The following STYX variants were observed in gnomAD, a reference collection of about 807,000 sequenced individuals.
STYX encodes serine/threonine/tyrosine-interacting protein.
A neutral mutation model predicts 42.7 loss-of-function variants in STYX; 20 were observed. The observed-to-expected ratio is 0.47, with a 90% CI of 0.33 to 0.68. STYX has a LOEUF of 0.68. STYX is among the 30% of genes least tolerant of loss of function. The pLI is 0.02. For synonymous variants in STYX, 78 were observed against 81.9 expected, an observed-to-expected ratio of 0.95 and a Z score of 0.26; for missense variants, 226 against 268.5, an observed-to-expected ratio of 0.84 and a Z score of 1.11.
chr14:52,750,447 G>A (rs56172724), intron 3 of STYX, among the ~76,000 whole-genome samples: 76,823 of 151,878 alleles, frequency 0.51, 19,512 homozygotes, highest in South Asian at 0.56. Flanking sequence ...CTCTAAAATT[G>A]TAGGTATGAA....
intron 1 of STYX, among the ~76,000 whole-genome samples, chr14:52,743,803 C>T (rs1056285038): frequency 2.0e-5 from 3 of 152,086 alleles, no homozygotes; most frequent in Admixed American, 6.5e-5. Context: ...GCAGTCAACC[C>T]ACTGACAAAT....
intron 1 of STYX, among the ~76,000 whole-genome samples, chr14:52,741,079 C>T (rs1217465378): frequency 4.6e-5 from 7 of 152,024 alleles, no homozygotes; most frequent in South Asian, 2.1e-4. Flanking sequence ...ATGAGTACTT[C>T]GTAGACTTTT....
At chr14:52,735,810 C>G in intron 1 of STYX, among the ~76,000 whole-genome samples, 1 of 152,188 alleles carries the variant, frequency 6.6e-6, no homozygotes, top group East Asian at 1.9e-4. Context: ...GTCACCTCTA[C>G]AAGAATATTA....
At chr14:52,766,885 A>G (rs1254600614) in intron 9 of STYX, among the ~76,000 whole-genome samples, 1 of 145,450 alleles carries the variant, frequency 6.9e-6, no homozygotes, top group Non-Finnish European at 1.5e-5. Flanking sequence ...TTTGTTTTCC[A>G]TGTCCCATGC....
At position 52,756,602 on chromosome 14, in the gene STYX, T is replaced by C; in HGVS notation, c.294T>C (p.Phe98=). ...ATCCAGTTGAAAATATAATACGTTTTTTCCCTATGGTAGGTACCAGTATTT... is the reference window on the plus strand; with the variant it reads ...ATCCAGTTGAAAATATAATACGTTTCTTCCCTATGGTAGGTACCAGTATTT... ...ADNPVENIIR[F]FPMTKEFIDG... The change falls in exon 5 of 11, where the codon TTT becomes TTC. Residue 98 remains phenylalanine (F), a synonymous_variant. Transcript: ENST00000354586. 1.0e-5 allele frequency: 15 copies of C among 1,504,538 alleles called. No individual in the cohort carries two copies. Among genetic ancestry groups the C allele is most frequent in the Non-Finnish European group, 1.4e-5 (15 of 1,103,212 alleles). 93.2% of individuals were successfully genotyped at this position (1,504,538 alleles called of 1,614,324 possible).
At chr14:52,739,651 T>G (rs1881106675) in intron 1 of STYX, among the ~76,000 whole-genome samples, 1 of 143,852 alleles carries the variant, frequency 7.0e-6, no homozygotes, top group East Asian at 2.0e-4. Flanking sequence ...TTTTTTTTTT[T>G]TTTTCGTTGA....
In STYX at chr14:52,771,339, A is replaced by G. The variant is rs553714271; in HGVS notation, c.*233A>G. The G allele has an allele frequency of 1.5e-4, 55 of 369,036 alleles. No individual in the cohort carries two copies. Among genetic ancestry groups the G allele is most frequent in the African/African-American group, 1.0e-3 (50 of 48,348 alleles). The allele number at this position is 369,036 out of a possible 1,614,324, so 22.9% of individuals were successfully genotyped here. The stretch of plus-strand genomic sequence containing the variant: ...TAAAAACACATGCGCGCGCACACAC[A>G]CATGCTTTACAAGTTTTATTATAAA... On this transcript the variant is annotated 3_prime_UTR_variant, in exon 11 of 11. Coordinates refer to ENST00000354586, the MANE Select transcript of STYX (RefSeq NM_145251.4).
intron 4 of STYX, among the ~76,000 whole-genome samples, chr14:52,755,037 TTG>T (rs1436340107): frequency 6.6e-6 from 1 of 152,202 alleles, no homozygotes; most frequent in African/African-American, 2.4e-5. Context: ...GATACAGTCA[TTG>T]TCGAAATCCT....
chr14:52,774,969 T>G lies in STYX; in HGVS notation c.*3863T>G, dbSNP rs1245662664. 1 of 152,232 alleles carries G rather than the reference T, an allele frequency of 6.6e-6. No homozygotes were observed. The highest frequency in any genetic ancestry group is 1.9e-4 in the East Asian group (1 of 5,204). The allele number at this position is 152,232 out of a possible 1,614,324, so 9.4% of individuals were successfully genotyped here. A position where few individuals can be genotyped will look rare whatever the true frequency, so the allele number is the denominator to read the frequency against. On this transcript the variant is annotated 3_prime_UTR_variant, in exon 11 of 11. Transcript: ENST00000354586. ...AGATTGGTGGTTGTATTAAAACTGC[T>G]GTGCCATTATACCTCCAAAATATTG...
intron 1 of STYX, among the ~76,000 whole-genome samples, chr14:52,744,244 C>T (rs1385416449): frequency 2.0e-5 from 3 of 152,138 alleles, no homozygotes; most frequent in Admixed American, 6.5e-5. Flanking sequence ...TATTGGTCTG[C>T]ATTCCAAAGA....
At chr14:52,735,828 G>A (rs1333993789) in intron 1 of STYX, among the ~76,000 whole-genome samples, 3 of 152,138 alleles carry the variant, frequency 2.0e-5, no homozygotes, top group South Asian at 4.1e-4. Context: ...TTACTTTCAC[G>A]TTTCTTGAAA....
At chr14:52,756,892 G>C (rs765796022) in intron 5 of STYX, among the ~76,000 whole-genome samples, 6 of 151,912 alleles carry the variant, frequency 3.9e-5, no homozygotes, top group Non-Finnish European at 8.8e-5. Flanking sequence ...TCTCCATGTT[G>C]ATCAGGCTGG....
intron 9 of STYX, among the ~76,000 whole-genome samples, chr14:52,761,210 C>A (rs1375338361): frequency 1.3e-5 from 2 of 151,832 alleles, no homozygotes; most frequent in African/African-American, 4.8e-5. Flanking sequence ...TGCCTGTAAT[C>A]CCAGCTACTC....
intron 2 of STYX, among the ~76,000 whole-genome samples, chr14:52,745,284 C>G (rs1466782244): frequency 6.6e-6 from 1 of 152,104 alleles, no homozygotes; most frequent in Non-Finnish European, 1.5e-5. Flanking sequence ...CCACACCCAG[C>G]TAATTTTGTA....
rs71407609 is a variant in STYX at position 52,772,998 on chromosome 14, T to C, written c.*1892T>C. 6.6e-6 allele frequency: 1 copy of C among 152,184 alleles called. No homozygotes were observed. The highest frequency in any genetic ancestry group is 1.5e-5 in the Non-Finnish European group (1 of 68,038). 9.4% of individuals were successfully genotyped at this position (152,184 alleles called of 1,614,324 possible). A position where few individuals can be genotyped will look rare whatever the true frequency, so the allele number is the denominator to read the frequency against. On this transcript the variant is annotated 3_prime_UTR_variant, in exon 11 of 11. Coordinates refer to ENST00000354586, the MANE Select transcript of STYX (RefSeq NM_145251.4). ...AGCTTTCCTGTATATAGATCACTAT[T>C]GGGCAGGTCAGCAAAGATCTCTTAC...
Position 52,766,835 on chromosome 14 carries a change from G to A in STYX, c.505-2005G>A, listed in dbSNP as rs544640924. Among the ~76,000 whole-genome samples the A allele has an allele frequency of 2.0e-5, 3 of 150,100 alleles. No homozygotes were observed. The East Asian group carries it at 5.8e-4, about 29-fold the overall frequency. On this transcript the variant is annotated intron_variant, in intron 9 of 10. Coordinates refer to ENST00000354586, the MANE Select transcript of STYX (RefSeq NM_145251.4). ...GCTATTTTCTCTGTAATTATTTGCAGCTTTGTTCTTTTTTTTTTTTCCACT... is the reference window on the plus strand; with the variant it reads ...GCTATTTTCTCTGTAATTATTTGCAACTTTGTTCTTTTTTTTTTTTCCACT...
rs1411374557 is a variant in STYX at position 52,765,199 on chromosome 14, T to C, written c.505-3641T>C. ...CTAGTGATTTTGTACACAGACCTGA[T>C]ATTAAATATTTTTTGTTTGTTTTTT... On this transcript the variant is annotated intron_variant, in intron 9 of 10. Coordinates refer to ENST00000354586, the MANE Select transcript of STYX (RefSeq NM_145251.4). Among the ~76,000 whole-genome samples the C allele has an allele frequency of 2.6e-5, 4 of 152,130 alleles. No individual in the cohort carries two copies. The East Asian group carries it at 7.7e-4, about 29-fold the overall frequency.
chr14:52,750,719 A>G lies in STYX; in HGVS notation c.181A>G (p.Ile61Val). 1 of 1,595,968 alleles carries G rather than the reference A, an allele frequency of 6.3e-7. No homozygotes were observed. Among genetic ancestry groups the G allele is most frequent in the Non-Finnish European group, 8.5e-7 (1 of 1,173,418 alleles). The change falls in exon 4 of 11, where the codon ATA becomes GTA. Residue 61 changes from isoleucine to valine, a missense_variant. Transcript: ENST00000354586. ...VLQKHGITHI[I>V]CIRQNIEANF... ...ACAGAAACATGGAATAACCCATATA[A>G]TATGCATACGACAAAATATTGAAGC...
chr14:52,746,877 G>T (rs1881415316), intron 3 of STYX, among the ~76,000 whole-genome samples: 2 of 152,194 alleles, frequency 1.3e-5, no homozygotes, highest in African/African-American at 4.8e-5. Context: ...GTAAGACTGT[G>T]TGTGTTAATT....
Sources: allele counts gnomAD v4.1 joint callset (sites outside exome capture counted in the v4.1 genomes callset), GRCh38; gene constraint gnomAD v4.1.1; transcripts MANE v1.5; gene names NCBI Gene and HGNC (gene_info 2026-07-23, HGNC 2026-07-21).